The following BAALC variants were observed in gnomAD, a reference collection of about 807,000 sequenced individuals.
BAALC encodes the protein BAALC binder of MAP3K1 and KLF4.
A neutral mutation model predicts 15.5 loss-of-function variants in BAALC; 9 were observed. The ratio of observed to expected loss-of-function variants is 0.58; its 90% CI spans 0.35 to 1.02. BAALC has a LOEUF of 1.02. Among genes scored for constraint, BAALC ranks in the 50% least tolerant of loss-of-function variants. The pLI, the probability that BAALC is intolerant of heterozygous loss-of-function variation, is 0.02. For missense variants in BAALC, 201 were observed against 192.4 expected (o/e 1.04, Z -0.27); for synonymous variants, 80 against 74.6 (o/e 1.07, Z -0.37).
At chr8:103,172,385 G>A (rs1811516171) in intron 1 of BAALC, among the ~76,000 whole-genome samples, 2 of 148,044 alleles carry the variant, frequency 1.4e-5, no homozygotes, top group South Asian at 4.2e-4. Context: ...ATTCTATTCT[G>A]GCTTGCTTTT....
At chr8:103,168,544 T>C (rs1287765312) in intron 1 of BAALC, among the ~76,000 whole-genome samples, 5 of 152,056 alleles carry the variant, frequency 3.3e-5, no homozygotes, top group Non-Finnish European at 5.9e-5. Flanking sequence ...GCATCACTAA[T>C]TCACATCAAA....
chr8:103,143,314 T>TTAC (rs1563631926), intron 1 of BAALC, among the ~76,000 whole-genome samples: 1 of 152,104 alleles, frequency 6.6e-6, no homozygotes, highest in Non-Finnish European at 1.5e-5. Flanking sequence ...TGCCAGTGCT[T>TTAC]TACTCATGAT....
intron 1 of BAALC, among the ~76,000 whole-genome samples, chr8:103,178,950 T>C (rs1413001054): frequency 6.6e-6 from 1 of 151,184 alleles, no homozygotes; most frequent in Non-Finnish European, 1.5e-5. Flanking sequence ...AAATAGTTGG[T>C]GGAAAGAAGG....
intron 1 of BAALC, among the ~76,000 whole-genome samples, chr8:103,181,443 T>C (rs1337575804): frequency 1.3e-5 from 2 of 151,528 alleles, no homozygotes; most frequent in Non-Finnish European, 3.0e-5. Context: ...GGCTAATTTT[T>C]TGTATTTTTA....
At chr8:103,155,498 C>G (rs997029093) in intron 1 of BAALC, among the ~76,000 whole-genome samples, 1 of 152,262 alleles carries the variant, frequency 6.6e-6, no homozygotes, top group African/African-American at 2.4e-5. Flanking sequence ...TACCCTGTAT[C>G]GGCCAGGCGC....
intron 1 of BAALC, among the ~76,000 whole-genome samples, chr8:103,179,026 C>CA (rs796307804): frequency 4.6e-5 from 7 of 152,116 alleles, no homozygotes; most frequent in African/African-American, 1.7e-4. Context: ...AAAACAAAAA[C>CA]AAAAAAATTC....
intron 1 of BAALC, among the ~76,000 whole-genome samples, chr8:103,191,693 T>C (rs1811971516): frequency 6.6e-6 from 1 of 152,046 alleles, no homozygotes; most frequent in Non-Finnish European, 1.5e-5. Context: ...ATGTTCAAAC[T>C]GTTCCATCAG....
rs1812878839 is a variant in BAALC, at chr8:103,229,564, T to C, written c.*1465T>C. 1 of 152,208 alleles carries C rather than the reference T, an allele frequency of 6.6e-6. No individual in the cohort carries two copies. The highest frequency in any genetic ancestry group is 2.4e-5 in the African/African-American group (1 of 41,446). The allele number at this position is 152,208 out of a possible 1,614,324, so 9.4% of individuals were successfully genotyped here. ...TCCTGTGCCAGGTACTATGCAGATG[T>C]TGAGGGATTTGGGGTCTGGTTAGTC... On this transcript the variant is annotated 3_prime_UTR_variant, in exon 3 of 3. Coordinates refer to ENST00000309982, the MANE Select transcript of BAALC (RefSeq NM_024812.3).
chr8:103,217,300 C>T (rs904326218), intron 2 of BAALC, among the ~76,000 whole-genome samples: 3 of 152,218 alleles, frequency 2.0e-5, no homozygotes, highest in African/African-American at 7.2e-5. Context: ...AAGGCCAACG[C>T]AAAGGTTTTC....
At chr8:103,157,171 T>G (rs1811113892) in intron 1 of BAALC, 1 of 152,212 alleles carries the variant, frequency 6.6e-6, no homozygotes, top group East Asian at 1.9e-4. Flanking sequence ...ATGGAGATTA[T>G]ATCTTCAATT....
intron 1 of BAALC, among the ~76,000 whole-genome samples, chr8:103,152,460 C>G (rs1269476799): frequency 6.6e-6 from 1 of 152,186 alleles, no homozygotes; most frequent in Non-Finnish European, 1.5e-5. Context: ...ACCAGCCTTC[C>G]CCAGTGGCCA....
At position 103,228,028 on chromosome 8, in the gene BAALC, A is replaced by G. The variant is rs1164170970; in HGVS notation, c.367A>G (p.Thr123Ala). Residue 123 changes from threonine (T) to alanine (A), a missense_variant, in exon 3 of 3, where the codon ACC becomes GCC. Coordinates refer to ENST00000309982, the MANE Select transcript of BAALC (RefSeq NM_024812.3). The part of the protein sequence containing the change: ...DAKRMPAKEV[T>A]INVTDSIQQM... The stretch of plus-strand genomic sequence containing the variant: ...TAAGAGAATGCCTGCAAAAGAAGTC[A>G]CCATTAATGTAACAGATAGCATCCA... 1 of 1,613,806 alleles carries G rather than the reference A, an allele frequency of 6.2e-7. No individual in the cohort carries two copies.
chr8:103,182,857 A>G (rs6990484), intron 1 of BAALC, among the ~76,000 whole-genome samples: 21,626 of 152,154 alleles, frequency 0.14, 2,320 homozygotes, highest in African/African-American at 0.3. Context: ...GGGAGGCTCC[A>G]GGGTGAGCTA....
chr8:103,147,423 A>C (rs545192458), intron 1 of BAALC, among the ~76,000 whole-genome samples: 2 of 152,354 alleles, frequency 1.3e-5, no homozygotes, highest in East Asian at 3.9e-4. Flanking sequence ...GATTGTATGT[A>C]ACTCAAAGGA....
At chr8:103,199,132 G>A (rs1455808170) in intron 1 of BAALC, among the ~76,000 whole-genome samples, 1 of 152,132 alleles carries the variant, frequency 6.6e-6, no homozygotes, top group Non-Finnish European at 1.5e-5. Flanking sequence ...CCCCGTTTGT[G>A]CAATGGTTAA....
intron 2 of BAALC, among the ~76,000 whole-genome samples, chr8:103,225,979 T>G (rs571581561): frequency 1.3e-5 from 2 of 152,344 alleles, no homozygotes; most frequent in East Asian, 3.9e-4. Flanking sequence ...ATCAGTGCAA[T>G]AGTTCACCAT....
At chr8:103,171,283 A>AAG (rs3041493) in intron 1 of BAALC, among the ~76,000 whole-genome samples, 21 of 144,950 alleles carry the variant, frequency 1.4e-4, no homozygotes, top group African/African-American at 5.4e-4. Context: ...AAAAGAAAGA[A>AAG]AGAGAGAAGG....
At chr8:103,162,613 T>G (rs1811251284) in intron 1 of BAALC, among the ~76,000 whole-genome samples, 1 of 152,172 alleles carries the variant, frequency 6.6e-6, no homozygotes, top group Non-Finnish European at 1.5e-5. Context: ...TTTTATGTCC[T>G]AGTCTCGGAA....
intron 1 of BAALC, among the ~76,000 whole-genome samples, chr8:103,192,502 A>G (rs1811994005): frequency 6.6e-6 from 1 of 152,128 alleles, no homozygotes; most frequent in African/African-American, 2.4e-5. Context: ...TTAATTCACC[A>G]TTGTTTTGCT....
Sources: gnomAD v4.1 joint callset for allele counts (sites outside exome capture counted in the v4.1 genomes callset) on GRCh38, gnomAD v4.1.1 for gene constraint, MANE v1.5 for transcripts, NCBI Gene and HGNC (gene_info 2026-07-23, HGNC 2026-07-21) for gene names.